TBXAS1: variants seen among roughly 807,000 people sequenced by gnomAD.
The protein encoded by TBXAS1 is thromboxane-A synthase.
Under a neutral mutation model 60.7 loss-of-function variants are expected in TBXAS1, and 48 were observed. The observed-to-expected ratio is 0.79, with a 90% confidence interval of 0.63 to 1.01. The LOEUF (loss-of-function observed/expected upper bound fraction) is 1.01, where lower values mean the gene tolerates loss of function less well. Among genes scored for constraint, TBXAS1 ranks in the 50% least tolerant of loss-of-function variants. The pLI is 0.00. For synonymous variants in TBXAS1, 287 were observed against 269.7 expected (o/e 1.06, Z -0.63); for missense variants, 685 against 686.3 (o/e 1.00, Z 0.02).
At chr7:139,897,703 C>T (rs999656499) in intron 3 of TBXAS1, among the ~76,000 whole-genome samples, 6 of 152,140 alleles carry the variant, frequency 3.9e-5, no homozygotes, top group Non-Finnish European at 8.8e-5. Context: ...GCTGAGAAAG[C>T]GCTGGTTCGG....
At chr7:139,858,230 G>A (rs1204213937) in intron 1 of TBXAS1, among the ~76,000 whole-genome samples, 1 of 152,176 alleles carries the variant, frequency 6.6e-6, no homozygotes, top group Non-Finnish European at 1.5e-5. Flanking sequence ...CTGCTATGGT[G>A]CCACAACATG....
chr7:139,966,706 T>C (rs528956895), intron 9 of TBXAS1, among the ~76,000 whole-genome samples: 4 of 152,368 alleles, frequency 2.6e-5, no homozygotes, highest in African/African-American at 9.6e-5. Context: ...CAATGATTTC[T>C]GGTCATTTTG....
intron 5 of TBXAS1, among the ~76,000 whole-genome samples, chr7:139,949,808 G>A (rs1395971696): frequency 6.6e-6 from 1 of 152,082 alleles, no homozygotes; most frequent in Non-Finnish European, 1.5e-5. Context: ...TCAGTAAAGC[G>A]GTGCCTGGCT....
chr7:139,997,965 GA>G (rs1813409577), intron 9 of TBXAS1, among the ~76,000 whole-genome samples: 1 of 152,130 alleles, frequency 6.6e-6, no homozygotes, highest in Admixed American at 6.5e-5. Flanking sequence ...CCCAACCTGG[GA>G]ACAACTCAAA....
At chr7:139,904,688 A>G (rs1052406046) in intron 3 of TBXAS1, among the ~76,000 whole-genome samples, 1 of 151,990 alleles carries the variant, frequency 6.6e-6, no homozygotes, top group Non-Finnish European at 1.5e-5. Flanking sequence ...ATTCCTAAGT[A>G]TTTTTATTTT....
intron 4 of TBXAS1, among the ~76,000 whole-genome samples, chr7:139,822,271 C>G (rs1270476355): frequency 1.3e-5 from 2 of 151,986 alleles, no homozygotes; most frequent in East Asian, 3.9e-4. Flanking sequence ...CTCTTTCTCT[C>G]TCTCTCTCTC....
chr7:139,896,465 C>T lies in TBXAS1; in HGVS notation c.237-14760C>T, dbSNP rs1382412092. 2.0e-5 allele frequency among the ~76,000 whole-genome samples: 3 copies of T among 152,136 alleles called. No individual in the cohort carries two copies. Among genetic ancestry groups the T allele is most frequent in the African/African-American group, 7.2e-5 (3 of 41,420 alleles). On this transcript the variant is annotated intron_variant, in intron 3 of 12. Coordinates refer to ENST00000448866, the MANE Select transcript of TBXAS1 (RefSeq NM_001061.7). The surrounding 1 kb of genome is among the most constrained non-coding windows in gnomAD (Gnocchi z 4.0). ...ACAGCAAGAATGAAAGGCTGTGGTT[C>T]CCAAACTGTGTGCTGAGACACCCCA...
At chr7:140,014,185 A>G (rs908580543) in intron 10 of TBXAS1, among the ~76,000 whole-genome samples, 3 of 152,188 alleles carry the variant, frequency 2.0e-5, no homozygotes, top group Non-Finnish European at 2.9e-5. Context: ...GATGGCAGTA[A>G]AACTGGAGAG....
intron 7 of TBXAS1, among the ~76,000 whole-genome samples, chr7:139,956,739 C>T (rs1809897101): frequency 6.6e-6 from 1 of 152,248 alleles, no homozygotes; most frequent in Non-Finnish European, 1.5e-5. Context: ...ATCTTGGAGG[C>T]AGCGCAGGCT....
At chr7:139,996,133 ATTT>A (rs879520998) in intron 9 of TBXAS1, among the ~76,000 whole-genome samples, 2 of 136,228 alleles carry the variant, frequency 1.5e-5, no homozygotes, top group African/African-American at 2.7e-5. Flanking sequence ...CATGTCTGGC[ATTT>A]TTTTTTTTTT....
chr7:139,804,160 C>T (rs1264973081), intron 4 of TBXAS1, among the ~76,000 whole-genome samples: 2 of 152,186 alleles, frequency 1.3e-5, no homozygotes, highest in Non-Finnish European at 2.9e-5. Flanking sequence ...GCAGAGCTGC[C>T]CAGGGCTGTG....
At chr7:139,967,723 T>G (rs1164632860) in intron 9 of TBXAS1, among the ~76,000 whole-genome samples, 1 of 151,990 alleles carries the variant, frequency 6.6e-6, no homozygotes, top group Non-Finnish European at 1.5e-5. Flanking sequence ...GGAGGAGAGG[T>G]TGATCCCCAA....
intron 9 of TBXAS1, among the ~76,000 whole-genome samples, chr7:139,992,618 G>T (rs1399641131): frequency 3.3e-5 from 5 of 152,236 alleles, no homozygotes; most frequent in Non-Finnish European, 7.3e-5. Context: ...GAGAGGCCTG[G>T]TTTCCATCCC....
chr7:139,798,373 A>C (rs1055541456), intron 4 of TBXAS1, among the ~76,000 whole-genome samples: 28 of 152,170 alleles, frequency 1.8e-4, no homozygotes, highest in African/African-American at 6.0e-4. Context: ...GCATGGGTGG[A>C]GCCAAGTTTC....
intron 3 of TBXAS1, among the ~76,000 whole-genome samples, chr7:139,893,966 T>C (rs1376463586): frequency 6.6e-6 from 1 of 152,242 alleles, no homozygotes; most frequent in Non-Finnish European, 1.5e-5. Context: ...AGCTTTATTG[T>C]AGCTTGACAG....
chr7:139,946,802 G>A (rs1206294240), intron 5 of TBXAS1, among the ~76,000 whole-genome samples: 1 of 152,186 alleles, frequency 6.6e-6, no homozygotes, highest in African/African-American at 2.4e-5. Context: ...TGCAGATGAG[G>A]AACTAGACTC....
rs1172539466 is a variant in TBXAS1, at chr7:139,872,232, C to T, written c.90-3C>T. ...AGCTTTTGAAATCTGCTTTTCCCTC[C>T]AGGTACTCCACATCAGCATTCTCAA... On this transcript the variant is annotated splice_polypyrimidine_tract_variant and splice_region_variant and intron_variant, in intron 1 of 12. Transcript: ENST00000448866. 1 of 1,613,536 alleles carries T rather than the reference C, an allele frequency of 6.2e-7. No individual in the cohort carries two copies. Among genetic ancestry groups the T allele is most frequent in the Admixed American group, 1.7e-5 (1 of 60,022 alleles).
intron 8 of TBXAS1, among the ~76,000 whole-genome samples, chr7:139,959,626 T>G (rs1810166573): frequency 6.6e-6 from 1 of 152,206 alleles, no homozygotes; most frequent in South Asian, 2.1e-4. Flanking sequence ...GACAGCCCTT[T>G]AGCAGTCTGT....
Position 139,843,136 on chromosome 7 carries a change from C to T in TBXAS1, c.89+13657C>T, listed in dbSNP as rs1052905675. 5.3e-5 allele frequency among the ~76,000 whole-genome samples: 8 copies of T among 152,244 alleles called. No homozygotes were observed. In the South Asian group the frequency reaches 1.0e-3, roughly 20 times the overall value. ...TGCCTGTTCCCTCCAAGCTGCACAG[C>T]GCAGTCCCTGTTGCCTGAATGCTCT... On this transcript the variant is annotated intron_variant, in intron 1 of 12. Coordinates refer to ENST00000448866, the MANE Select transcript of TBXAS1 (RefSeq NM_001061.7).
Sources: allele counts gnomAD v4.1 joint callset (sites outside exome capture counted in the v4.1 genomes callset), GRCh38; gene constraint gnomAD v4.1.1; non-coding constraint Gnocchi (gnomAD v3.1); transcripts MANE v1.5; gene names NCBI Gene and HGNC (gene_info 2026-07-23, HGNC 2026-07-21).